Variants in PIGL observed in about 807,000 individuals in gnomAD.
PIGL encodes phosphatidylinositol glycan anchor biosynthesis class L.
A neutral mutation model predicts 31.1 loss-of-function variants in PIGL; 22 were observed. That is an observed-to-expected ratio of 0.71 (90% CI 0.51 to 1.01). The LOEUF (loss-of-function observed/expected upper bound fraction) is 1.01. PIGL is among the 50% of genes least tolerant of loss of function. The pLI, the probability that PIGL is intolerant of heterozygous loss-of-function variation, is 0.00. For missense variants in PIGL, 302 were observed against 315.9 expected, an observed-to-expected ratio of 0.96 and a Z score of 0.33; for synonymous variants, 131 against 117.4, an observed-to-expected ratio of 1.12 and a Z score of -0.75.
intron 2 of PIGL, among the ~76,000 whole-genome samples, chr17:16,238,647 A>G (rs575586905): frequency 6.6e-6 from 1 of 150,828 alleles, no homozygotes; most frequent in Admixed American, 6.6e-5. Flanking sequence ...GCCGTGACTC[A>G]CACCTGTAAT....
intron 6 of PIGL, among the ~76,000 whole-genome samples, chr17:16,321,838 A>T (rs752703795): frequency 4.6e-5 from 7 of 150,718 alleles, no homozygotes; most frequent in Non-Finnish European, 1.0e-4. Context: ...AGGCTGGAGT[A>T]CAATGGTGCA....
rs761514232 is a variant in PIGL, at chr17:16,233,983, A to G, written c.248A>G (p.Asn83Ser). ...TTGTTACCCTCAGGAAATTACTACA[A>G]TCAAGGAGAGACTCGTAAGAAAGAA... ...LLCFSAGNYY[N>S]QGETRKKELL... is the part of the protein sequence containing the mutation. The change falls in exon 2 of 7, where the codon AAT becomes AGT. Residue 83 changes from asparagine (N) to serine (S), a missense_variant. Physicochemically the swap from Asn to Ser is conservative, Grantham distance 46. Transcript: ENST00000225609. 4 of 1,604,790 alleles carry G rather than the reference A, an allele frequency of 2.5e-6. No homozygotes were observed. Among genetic ancestry groups the G allele is most frequent in the Non-Finnish European group, 3.4e-6 (4 of 1,171,876 alleles).
At chr17:16,262,013 A>G (rs1380701653) in intron 2 of PIGL, among the ~76,000 whole-genome samples, 2 of 151,890 alleles carry the variant, frequency 1.3e-5, no homozygotes, top group Non-Finnish European at 2.9e-5. Context: ...ACTTGAAGCC[A>G]GGAGTTCAAG....
chr17:16,279,660 G>T (rs752981852), intron 2 of PIGL: 1 of 152,200 alleles, frequency 6.6e-6, no homozygotes, highest in South Asian at 2.1e-4. Context: ...GCTCCAGATT[G>T]TCATATCTCA....
At chr17:16,297,884 C>A (rs2142831576) in intron 2 of PIGL, among the ~76,000 whole-genome samples, 1 of 152,306 alleles carries the variant, frequency 6.6e-6, no homozygotes, top group African/African-American at 2.4e-5. Context: ...AGGTCCGTGG[C>A]CTGTTAGGAA....
rs568756631 is a variant in PIGL, at chr17:16,258,099, G to A, written c.335+24029G>A. ...AGAGAGAGAGAGAGAGAGAGAGAGA[G>A]AGAAAGAGAGAGAGAGAGAGAGAGA... is the stretch of plus-strand genomic sequence containing the variant. On this transcript the variant is annotated intron_variant, in intron 2 of 6. Transcript: ENST00000225609. Among the ~76,000 whole-genome samples, 161 of 105,312 alleles carry A rather than the reference G, an allele frequency of 1.5e-3. 1 individual carries two copies. Among genetic ancestry groups the A allele is most frequent in the East Asian group, 3.4e-3 (13 of 3,830 alleles). 69.1% of individuals were successfully genotyped at this position (105,312 alleles called of 152,430 possible). A position where few individuals can be genotyped will look rare whatever the true frequency, so the allele number is the denominator to read the frequency against.
intron 2 of PIGL, among the ~76,000 whole-genome samples, chr17:16,281,097 A>G (rs2092914997): frequency 1.3e-5 from 2 of 152,160 alleles, no homozygotes; most frequent in South Asian, 4.1e-4. Context: ...AATCACATGA[A>G]CATACATTCA....
chr17:16,220,184 C>T (rs2092620103), intron 1 of PIGL, among the ~76,000 whole-genome samples: 1 of 151,910 alleles, frequency 6.6e-6, no homozygotes, highest in African/African-American at 2.4e-5. Context: ...CCCGTCTCTC[C>T]TACAAATACA....
chr17:16,257,094 C>T (rs1031866279), intron 2 of PIGL, among the ~76,000 whole-genome samples: 24 of 152,004 alleles, frequency 1.6e-4, no homozygotes, highest in Admixed American at 9.8e-4. Flanking sequence ...AACAGAGATC[C>T]TGTCTCAAAA....
At position 16,217,403 on chromosome 17, in the gene PIGL, C is replaced by G. The variant is rs2092587728; in HGVS notation, c.177C>G (p.Pro59=). The change falls in exon 1 of 7, where the codon CCC becomes CCG. Residue 59 remains proline (P), a synonymous_variant. Coordinates refer to ENST00000225609, the MANE Select transcript of PIGL (RefSeq NM_004278.4). ...HPDDEAMFFA[P]TVLGLARLRH... is the part of the protein sequence containing the mutation. The stretch of plus-strand genomic sequence containing the variant: ...ACGATGAAGCCATGTTTTTTGCTCC[C>G]ACAGTGCTAGGCTTGGCCCGCCTAA... 4 of 1,614,206 alleles carry G rather than the reference C, an allele frequency of 2.5e-6. No homozygotes were observed. The highest frequency in any genetic ancestry group is 3.4e-6 in the Non-Finnish European group (4 of 1,180,036).
At chr17:16,270,093 C>T (rs530865740) in intron 2 of PIGL, among the ~76,000 whole-genome samples, 10 of 152,104 alleles carry the variant, frequency 6.6e-5, no homozygotes. Context: ...TCGAGACCAG[C>T]CTGCCCAACA....
intron 2 of PIGL, among the ~76,000 whole-genome samples, chr17:16,294,468 C>T (rs1164343293): frequency 2.6e-5 from 4 of 152,150 alleles, no homozygotes; most frequent in African/African-American, 7.2e-5. Context: ...CGGTTCTCCC[C>T]GCTGCCCTCT....
chr17:16,319,117 C>T (rs1297431581), intron 6 of PIGL, among the ~76,000 whole-genome samples: 2 of 138,340 alleles, frequency 1.4e-5, no homozygotes, highest in East Asian at 2.3e-4. Context: ...CCCAGCTACT[C>T]GGGTAGCTGA....
chr17:16,264,472 A>T (rs1354393698), intron 2 of PIGL, among the ~76,000 whole-genome samples: 1 of 152,062 alleles, frequency 6.6e-6, no homozygotes, highest in Non-Finnish European at 1.5e-5. Context: ...TAATACCAGA[A>T]ACAGATTAGC....
intron 1 of PIGL, among the ~76,000 whole-genome samples, chr17:16,226,121 G>A (rs1156530769): frequency 1.3e-5 from 2 of 152,088 alleles, no homozygotes; most frequent in Non-Finnish European, 2.9e-5. Flanking sequence ...AGTAAGCTAT[G>A]ATGATCATGC....
intron 2 of PIGL, among the ~76,000 whole-genome samples, chr17:16,265,497 C>T (rs897934764): frequency 4.6e-5 from 7 of 152,068 alleles, no homozygotes; most frequent in African/African-American, 1.7e-4. Context: ...AATCCCAGCA[C>T]TTTGGGAGGC....
At chr17:16,285,374 C>T (rs1027345954) in intron 2 of PIGL, among the ~76,000 whole-genome samples, 4 of 152,012 alleles carry the variant, frequency 2.6e-5, no homozygotes, top group African/African-American at 9.7e-5. Flanking sequence ...ATCACGAGGT[C>T]AGGAGTTCAA....
intron 2 of PIGL, among the ~76,000 whole-genome samples, chr17:16,260,575 G>T (rs1415473807): frequency 6.6e-6 from 1 of 152,022 alleles, no homozygotes; most frequent in African/African-American, 2.4e-5. Context: ...GTCTGCTGAG[G>T]GCTGCACAGA....
At chr17:16,300,070 A>T in intron 3 of PIGL, 92 bp downstream of exon 3, 1 of 915,300 alleles carries the variant, frequency 1.1e-6, no homozygotes, top group Non-Finnish European at 1.8e-6. Context: ...CCACCCTCCC[A>T]CTTCCAGTCC....
Sources: allele counts gnomAD v4.1 joint callset (sites outside exome capture counted in the v4.1 genomes callset), GRCh38; gene constraint gnomAD v4.1.1; transcripts MANE v1.5; gene names NCBI Gene and HGNC (gene_info 2026-07-23, HGNC 2026-07-21).